Variants in PCDHGB4 observed in about 807,000 individuals in gnomAD.
The protein encoded by PCDHGB4 is protocadherin gamma subfamily B, 4, also known as protocadherin gamma-B4.
Under a neutral mutation model 60.5 loss-of-function variants are expected in PCDHGB4, and 38 were observed. The observed-to-expected ratio is 0.63, with a 90% CI of 0.48 to 0.82. The LOEUF (loss-of-function observed/expected upper bound fraction) is 0.82. PCDHGB4 is among the 40% of genes least tolerant of loss of function. The pLI is 0.00. For missense variants in PCDHGB4, 1,109 were observed against 1,209.6 expected (o/e 0.92, Z 1.23); for synonymous variants, 456 against 509.7 (o/e 0.89, Z 1.42).
At chr5:141,399,624 T>C (rs1006867896) in intron 1 of PCDHGB4, 9 of 1,613,898 alleles carry the variant, frequency 5.6e-6, no homozygotes, top group African/African-American at 4.0e-5. Flanking sequence ...CACTGGCCTC[T>C]TACGTGTCCA....
intron 1 of PCDHGB4, chr5:141,429,265 T>C (rs1297239650): frequency 6.6e-6 from 1 of 152,148 alleles, no homozygotes; most frequent in Non-Finnish European, 1.5e-5. Flanking sequence ...GAGGAATAAA[T>C]TTTTTTCCTG....
chr5:141,397,248 T>C (rs2093496152), intron 1 of PCDHGB4, among the ~76,000 whole-genome samples: 1 of 152,168 alleles, frequency 6.6e-6, no homozygotes, highest in South Asian at 2.1e-4. Flanking sequence ...CGTAGTAGGG[T>C]ATATCATTTC....
intron 2 of PCDHGB4, among the ~76,000 whole-genome samples, chr5:141,499,885 G>A (rs945162089): frequency 2.6e-5 from 4 of 151,850 alleles, no homozygotes; most frequent in Non-Finnish European, 4.4e-5. Flanking sequence ...ACAGGGTTTC[G>A]CCATGTTGGC....
intron 1 of PCDHGB4, chr5:141,415,772 T>C (rs540545854): frequency 4.5e-6 from 6 of 1,336,628 alleles, no homozygotes; most frequent in African/African-American, 1.8e-5. Context: ...TTTTTTTTTT[T>C]ACTTTCTGGT....
Position 141,431,260 on chromosome 5 carries a change from G to C in PCDHGB4, c.2397+40979G>C, listed in dbSNP as rs762250032. On this transcript the variant is annotated intron_variant, in intron 1 of 3. Coordinates refer to ENST00000519479, the MANE Select transcript of PCDHGB4 (RefSeq NM_003736.4). The surrounding 1 kb of genome is among the most constrained non-coding windows in gnomAD (Gnocchi z 4.8). The stretch of plus-strand genomic sequence containing the variant: ...ATCCGGATATCGGGAAGAACTCTCT[G>C]CAGAGCTACGAGCTCAGCCCGAACA... 6.2e-7 allele frequency: 1 copy of C among 1,614,170 alleles called. No homozygotes were observed. Among genetic ancestry groups the C allele is most frequent in the Non-Finnish European group, 8.5e-7 (1 of 1,180,052 alleles).
intron 1 of PCDHGB4, chr5:141,400,466 C>T: frequency 6.2e-7 from 1 of 1,614,024 alleles, no homozygotes; most frequent in Non-Finnish European, 8.5e-7. Context: ...TGTGGTGATT[C>T]ATCTGGGGCC....
chr5:141,425,566 G>T (rs532293951), intron 1 of PCDHGB4, among the ~76,000 whole-genome samples: 1 of 152,348 alleles, frequency 6.6e-6, no homozygotes, highest in Admixed American at 6.5e-5. Context: ...TAAGTGATAA[G>T]AAGGGTTTGG....
chr5:141,494,844 C>T lies in PCDHGB4; in HGVS notation c.2435C>T (p.Ala812Val). The change falls in exon 2 of 4, where the codon GCC becomes GTC. Residue 812 changes from alanine to valine, a missense_variant. Ala to Val is a moderately conservative substitution (Grantham distance 64). This residue lies in a region of PCDHGB4 where 1,068 missense variants were observed against 1,089.9 expected (regional missense o/e 0.98). Coordinates refer to ENST00000519479, the MANE Select transcript of PCDHGB4 (RefSeq NM_003736.4). ...PPNTDWRFSQ[A>V]QRPGTSGSQN... The stretch of plus-strand genomic sequence containing the variant: ...AACACGGACTGGCGTTTCTCTCAGG[C>T]CCAGAGACCCGGCACCAGCGGGTAG... The T allele has an allele frequency of 6.2e-7, 1 of 1,614,190 alleles. No homozygotes were observed. The highest frequency in any genetic ancestry group is 8.5e-7 in the Non-Finnish European group (1 of 1,180,028).
intron 1 of PCDHGB4, chr5:141,423,426 GGCAGGTA>G: frequency 1.9e-6 from 3 of 1,614,028 alleles, no homozygotes; most frequent in Non-Finnish European, 2.5e-6. Flanking sequence ...AAGGCGGGTT[GGCAGGTA>G]TGCCCACGTC....
At position 141,486,484 on chromosome 5, in the gene PCDHGB4, C is replaced by G. The variant is rs200150307; in HGVS notation, c.2398-8323C>G. ...ATGCTGGGAACCCTCCTCTCAGTAC[C>G]CACAGAACTATTTTCCTCAATATTT... On this transcript the variant is annotated intron_variant, in intron 1 of 3. Transcript: ENST00000519479. The surrounding 1 kb of genome is among the most constrained non-coding windows in gnomAD (Gnocchi z 5.0). The G allele has an allele frequency of 2.8e-5, 45 of 1,614,102 alleles. No homozygotes were observed. In the Admixed American group the frequency reaches 5.5e-4, roughly 20 times the overall value.
chr5:141,414,644 A>C lies in PCDHGB4; in HGVS notation c.2397+24363A>C, dbSNP rs1310121141. 6.2e-7 allele frequency: 1 copy of C among 1,613,982 alleles called. No individual in the cohort carries two copies. Among genetic ancestry groups the C allele is most frequent in the Non-Finnish European group, 8.5e-7 (1 of 1,179,894 alleles). ...GACCCGGACAGCAAAGAGAATGCCC[A>C]GATTATTTACTCCCTGGCTGAAGAC... On this transcript the variant is annotated intron_variant, in intron 1 of 3. Transcript: ENST00000519479.
At chr5:141,472,980 C>CAAAAAA (rs60579131) in intron 1 of PCDHGB4, among the ~76,000 whole-genome samples, 7 of 86,100 alleles carry the variant, frequency 8.1e-5, no homozygotes, top group South Asian at 4.3e-4. Context: ...GAGTGAAACT[C>CAAAAAA]AAAAAAAAAA....
rs1562187768 is a variant in PCDHGB4, at chr5:141,499,029, A to AAGG, written c.2456+4165_2456+4166insGGA. 5.0e-3 allele frequency among the ~76,000 whole-genome samples: 706 copies of AAGG among 140,066 alleles called. 6 individuals carry two copies. Among genetic ancestry groups the AAGG allele is most frequent in the African/African-American group, 0.019 (683 of 36,064 alleles). The allele number at this position is 140,066 out of a possible 152,430, so 91.9% of individuals were successfully genotyped here. A position where few individuals can be genotyped will look rare whatever the true frequency, so the allele number is the denominator to read the frequency against. ...GGAAGGAAGGAAGGAAGGAAGGAAG[A>AAGG]AAAGAAAGAAAAAGGGAGAAAAAAT... On this transcript the variant is annotated intron_variant, in intron 2 of 3. Transcript: ENST00000519479.
chr5:141,499,533 G>T (rs2099792525), intron 2 of PCDHGB4, among the ~76,000 whole-genome samples: 1 of 152,086 alleles, frequency 6.6e-6, no homozygotes, highest in African/African-American at 2.4e-5. Flanking sequence ...AGAGAGAATG[G>T]TGTCATGAAC....
At chr5:141,402,882 G>A in intron 1 of PCDHGB4, 1 of 1,479,680 alleles carries the variant, frequency 6.8e-7, no homozygotes, top group South Asian at 1.4e-5. Context: ...TACTTTGCAG[G>A]GTGGAAGAAA....
chr5:141,389,669 C>T lies in PCDHGB4; in HGVS notation c.1785C>T (p.Asp595=), dbSNP rs747451761. ...CCAAGGTAGTGGCGGTGGACGCAGA[C>T]TCAGGACACAACGCCTGGCTGTCCT... is the stretch of plus-strand genomic sequence containing the variant. The part of the protein sequence containing the change: ...LVTKVVAVDA[D]SGHNAWLSYH... The change falls in exon 1 of 4, where the codon GAC becomes GAT. Residue 595 remains aspartate (D), a synonymous_variant. Transcript: ENST00000519479. 8.7e-6 allele frequency: 14 copies of T among 1,612,326 alleles called. No homozygotes were observed. Among genetic ancestry groups the T allele is most frequent in the Non-Finnish European group, 9.3e-6 (11 of 1,179,828 alleles).
At chr5:141,423,773 T>A in intron 1 of PCDHGB4, 6 of 901,238 alleles carry the variant, frequency 6.7e-6, no homozygotes, top group Non-Finnish European at 7.3e-6. Flanking sequence ...GGGCGGCATA[T>A]ATTTAGTTCA....
At position 141,390,471 on chromosome 5, in the gene PCDHGB4, G is replaced by C. The variant is rs969771801; in HGVS notation, c.2397+190G>C. The C allele has an allele frequency of 7.2e-6, 5 of 697,624 alleles. No homozygotes were observed. The African/African-American group carries it at 9.0e-5, about 13-fold the overall frequency. The allele number at this position is 697,624 out of a possible 1,614,324, so 43.2% of individuals were successfully genotyped here. On this transcript the variant is annotated intron_variant, in intron 1 of 3. Coordinates refer to ENST00000519479, the MANE Select transcript of PCDHGB4 (RefSeq NM_003736.4). ...GGAGTAAAGTAGGAGCAATTGTGTG[G>C]CCCAACATTTGTTTGTTTTTTAGCC... is the stretch of plus-strand genomic sequence containing the variant.
Position 141,420,935 on chromosome 5 carries a change from A to G in PCDHGB4, c.2397+30654A>G, listed in dbSNP as rs542779087. ...GTGATTCACAAAGGTGAGCGTAATCATTTCTTCTGGAATTTCTTAGTCGTT... is the reference window on the plus strand; with the variant it reads ...GTGATTCACAAAGGTGAGCGTAATCGTTTCTTCTGGAATTTCTTAGTCGTT... On this transcript the variant is annotated intron_variant, in intron 1 of 3. Coordinates refer to ENST00000519479, the MANE Select transcript of PCDHGB4 (RefSeq NM_003736.4). 2.6e-5 allele frequency: 10 copies of G among 380,486 alleles called. 1 individual carries two copies. Among genetic ancestry groups the G allele is most frequent in the African/African-American group, 1.7e-4 (8 of 47,720 alleles). The allele number at this position is 380,486 out of a possible 1,614,324, so 23.6% of individuals were successfully genotyped here.
Sources: gnomAD v4.1 joint callset for allele counts (sites outside exome capture counted in the v4.1 genomes callset) on GRCh38, gnomAD v4.1.1 for gene constraint, gnomAD v4.1.1 regional missense constraint, Gnocchi (gnomAD v3.1) non-coding constraint, MANE v1.5 for transcripts, NCBI Gene and HGNC (gene_info 2026-07-23, HGNC 2026-07-21) for gene names.